RPS6KA5: variants seen among roughly 807,000 people sequenced by gnomAD.
RPS6KA5 encodes the protein ribosomal protein S6 kinase alpha-5.
A neutral mutation model predicts 85.5 loss-of-function variants in RPS6KA5; 27 were observed. The ratio of observed to expected loss-of-function variants is 0.32; its 90% CI spans 0.23 to 0.44. RPS6KA5 has a LOEUF of 0.44. Ranked by LOEUF, RPS6KA5 falls within the 20% of genes least tolerant of loss-of-function variation. The pLI is 1.00. For missense variants in RPS6KA5, 811 were observed against 980.9 expected, an observed-to-expected ratio of 0.83 and a Z score of 2.31; for synonymous variants, 334 against 348.2, an observed-to-expected ratio of 0.96 and a Z score of 0.46.
At chr14:90,968,592 A>G (rs910992505) in intron 3 of RPS6KA5, among the ~76,000 whole-genome samples, 1 of 152,048 alleles carries the variant, frequency 6.6e-6, no homozygotes, top group Non-Finnish European at 1.5e-5. Context: ...GCTAAAAATA[A>G]CCTCTTGTTA....
In RPS6KA5 at chr14:90,856,427, G is replaced by C. The variant is rs2032288608; in HGVS notation, c.*15647C>G. The stretch of plus-strand genomic sequence containing the variant: ...TGCCCAGGCTGGAGTGCAATGGTGC[G>C]ATCTAGGCTCACTGCAACCTCTGCC... On this transcript the variant is annotated 3_prime_UTR_variant, in exon 17 of 17. Coordinates refer to ENST00000614987, the MANE Select transcript of RPS6KA5 (RefSeq NM_004755.4). 2 of 149,000 alleles carry C rather than the reference G, an allele frequency of 1.3e-5. No individual in the cohort carries two copies. Among genetic ancestry groups the C allele is most frequent in the South Asian group, 4.2e-4 (2 of 4,706 alleles). 9.2% of individuals were successfully genotyped at this position (149,000 alleles called of 1,614,324 possible).
chr14:90,881,567 G>A (rs1366682284), intron 14 of RPS6KA5, among the ~76,000 whole-genome samples: 1 of 151,954 alleles, frequency 6.6e-6, no homozygotes, highest in Non-Finnish European at 1.5e-5. Context: ...ATGGCACAAT[G>A]TTGGCTCACT....
intron 1 of RPS6KA5, among the ~76,000 whole-genome samples, chr14:91,045,261 T>A (rs1477791044): frequency 2.1e-5 from 2 of 95,760 alleles, no homozygotes; most frequent in Non-Finnish European, 4.1e-5. Flanking sequence ...CTGCTGATTC[T>A]TTTTTTTTTT....
intron 2 of RPS6KA5, 62 bp from the exon 3 acceptor site, chr14:90,978,586 G>C: frequency 7.9e-7 from 1 of 1,272,588 alleles, no homozygotes; most frequent in East Asian, 2.5e-5. Context: ...TGGTAATTTA[G>C]TGCAACTAAA....
intron 1 of RPS6KA5, among the ~76,000 whole-genome samples, chr14:91,021,093 G>T (rs1222022835): frequency 6.6e-6 from 1 of 151,856 alleles, no homozygotes. Flanking sequence ...CAATCCATAG[G>T]GACACATTTT....
intron 7 of RPS6KA5, among the ~76,000 whole-genome samples, chr14:90,919,107 T>C (rs1332277833): frequency 6.6e-6 from 1 of 152,204 alleles, no homozygotes; most frequent in Non-Finnish European, 1.5e-5. Flanking sequence ...TGAATACCTC[T>C]GCACACCTCT....
intron 14 of RPS6KA5, among the ~76,000 whole-genome samples, chr14:90,887,456 C>T (rs956714637): frequency 2.0e-5 from 3 of 152,002 alleles, no homozygotes; most frequent in Admixed American, 6.6e-5. Flanking sequence ...TCCCGAAGTG[C>T]TGGGATTACA....
intron 6 of RPS6KA5, among the ~76,000 whole-genome samples, 190 bp downstream of exon 6, chr14:90,922,923 T>C (rs1278277237): frequency 2.0e-5 from 3 of 152,130 alleles, no homozygotes; most frequent in Admixed American, 2.0e-4. Context: ...ACCTTTGTAT[T>C]ATCTTTTTCC....
chr14:90,938,005 A>G (rs749423722), intron 5 of RPS6KA5, among the ~76,000 whole-genome samples: 1 of 152,190 alleles, frequency 6.6e-6, no homozygotes, highest in Non-Finnish European at 1.5e-5. Flanking sequence ...TCCATATTCC[A>G]AAGTCTCATC....
intron 4 of RPS6KA5, among the ~76,000 whole-genome samples, chr14:90,944,220 T>C (rs1024656812): frequency 5.9e-5 from 9 of 152,252 alleles, no homozygotes; most frequent in African/African-American, 2.2e-4. Flanking sequence ...TATGTCAGCC[T>C]GAATTAAATG....
At chr14:90,894,325 A>T in intron 13 of RPS6KA5, 88 bp downstream of exon 13, 2 of 1,401,248 alleles carry the variant, frequency 1.4e-6, no homozygotes, top group Non-Finnish European at 1.9e-6. Flanking sequence ...AAAAATAAGG[A>T]AACCTCCCCA....
chr14:91,055,110 A>C (rs2043256946), intron 1 of RPS6KA5, among the ~76,000 whole-genome samples: 1 of 152,226 alleles, frequency 6.6e-6, no homozygotes, highest in South Asian at 2.1e-4. Flanking sequence ...ATAAGCAAAA[A>C]GACAGACAAT....
At chr14:91,018,516 G>A (rs971776522) in intron 1 of RPS6KA5, among the ~76,000 whole-genome samples, 1 of 152,246 alleles carries the variant, frequency 6.6e-6, no homozygotes, top group African/African-American at 2.4e-5. Context: ...TAGAACAAAA[G>A]CAGGCTGAAT....
At chr14:90,940,058 C>G (rs2037486528) in intron 5 of RPS6KA5, among the ~76,000 whole-genome samples, 1 of 152,076 alleles carries the variant, frequency 6.6e-6, no homozygotes, top group Non-Finnish European at 1.5e-5. Context: ...ACCATTAGAT[C>G]AAGTTTCAGA....
chr14:91,020,533 A>AGTGT (rs1566872606), intron 1 of RPS6KA5, among the ~76,000 whole-genome samples: 8 of 77,486 alleles, frequency 1.0e-4, no homozygotes, highest in Non-Finnish European at 1.4e-4. Flanking sequence ...CTAAGGAATG[A>AGTGT]CTGTGTGTGT....
intron 7 of RPS6KA5, among the ~76,000 whole-genome samples, chr14:90,919,177 C>G (rs2036273578): frequency 6.6e-6 from 1 of 152,174 alleles, no homozygotes; most frequent in Non-Finnish European, 1.5e-5. Context: ...CTCTAGCTGT[C>G]TTGATCTTCT....
At position 91,060,616 on chromosome 14, in the gene RPS6KA5, C is replaced by A. The variant is rs573791947; in HGVS notation, c.-182G>T. ...CACGGCTCGCTCCTCGCCTCCTCCCCCTTCGGCGGGCACCGCTAGTACCGC... is the reference window on the plus strand; with the variant it reads ...CACGGCTCGCTCCTCGCCTCCTCCCACTTCGGCGGGCACCGCTAGTACCGC... On this transcript the variant is annotated 5_prime_UTR_variant, in exon 1 of 17. Transcript: ENST00000614987. 2.0e-5 allele frequency: 17 copies of A among 833,970 alleles called. 1 individual carries two copies. The highest frequency in any genetic ancestry group is 1.0e-4 in the East Asian group (3 of 29,102). 51.7% of individuals were successfully genotyped at this position (833,970 alleles called of 1,614,324 possible). A position where few individuals can be genotyped will look rare whatever the true frequency, so the allele number is the denominator to read the frequency against.
At chr14:90,987,212 A>T (rs1212841134) in intron 2 of RPS6KA5, among the ~76,000 whole-genome samples, 2 of 152,244 alleles carry the variant, frequency 1.3e-5, no homozygotes, top group Non-Finnish European at 2.9e-5. Flanking sequence ...AATTTTGACA[A>T]TTTAATGAAT....
Position 90,914,180 on chromosome 14 carries a change from T to G in RPS6KA5, c.806+6026A>C, listed in dbSNP as rs73324660. 5.6e-3 allele frequency among the ~76,000 whole-genome samples: 854 copies of G among 152,166 alleles called. 10 individuals carry two copies. The highest frequency in any genetic ancestry group is 0.016 in the South Asian group (75 of 4,824). On this transcript the variant is annotated intron_variant, in intron 7 of 16. Coordinates refer to ENST00000614987, the MANE Select transcript of RPS6KA5 (RefSeq NM_004755.4). ...AGAGGTGGCGGCAAAGAATCTACACTGCAGCATCATCAGGGAAACAACAGA... is the reference window on the plus strand; with the variant it reads ...AGAGGTGGCGGCAAAGAATCTACACGGCAGCATCATCAGGGAAACAACAGA...
Sources: allele counts gnomAD v4.1 joint callset (sites outside exome capture counted in the v4.1 genomes callset), GRCh38; gene constraint gnomAD v4.1.1; transcripts MANE v1.5; gene names NCBI Gene and HGNC (gene_info 2026-07-23, HGNC 2026-07-21).